Variants in SMIM3 observed in about 807,000 individuals in gnomAD.
SMIM3 encodes the protein NGF-induced differentiation clone 67 protein.
Under a neutral mutation model 2.1 loss-of-function variants are expected in SMIM3, and 4 were observed. The ratio of observed to expected loss-of-function variants is 1.89; its 90% CI spans 0.93 to 4.31. The LOEUF is 4.31. SMIM3 is among the 30% of genes most tolerant of loss of function. The pLI is 0.01. For synonymous variants in SMIM3, 29 were observed against 30.8 expected, an observed-to-expected ratio of 0.94 and a Z score of 0.19; for missense variants, 79 against 77.7, an observed-to-expected ratio of 1.02 and a Z score of -0.06.
chr5:150,786,127 T>C (rs188744759), intron 1 of SMIM3, among the ~76,000 whole-genome samples: 38 of 152,332 alleles, frequency 2.5e-4, no homozygotes, highest in Admixed American at 2.1e-3. Context: ...TTCCATCCTT[T>C]TGTTTATCCT....
At chr5:150,791,188 T>C (rs1253697802) in intron 1 of SMIM3, among the ~76,000 whole-genome samples, 1 of 152,200 alleles carries the variant, frequency 6.6e-6, no homozygotes, top group Non-Finnish European at 1.5e-5. Context: ...TCCTCGCCTA[T>C]TTCCCTACTT....
chr5:150,785,786 T>C (rs1261068504), intron 1 of SMIM3, among the ~76,000 whole-genome samples: 1 of 152,038 alleles, frequency 6.6e-6, no homozygotes, highest in African/African-American at 2.4e-5. Flanking sequence ...TTTCACCATG[T>C]TGGCCAGGCT....
intron 1 of SMIM3, among the ~76,000 whole-genome samples, chr5:150,784,821 C>A (rs1056009871): frequency 6.6e-5 from 10 of 152,070 alleles, no homozygotes; most frequent in Non-Finnish European, 1.0e-4. Context: ...TATTTGTCCC[C>A]TTTATTCTAA....
In SMIM3 at chr5:150,783,914, C is replaced by CTT. The variant is rs557905770; in HGVS notation, c.-12+4964_-12+4965dup. Among the ~76,000 whole-genome samples the CTT allele has an allele frequency of 7.2e-3, 889 of 124,286 alleles. 28 individuals carry two copies. The highest frequency in any genetic ancestry group is 0.024 in the African/African-American group (720 of 29,778). 81.5% of individuals were successfully genotyped at this position (124,286 alleles called of 152,430 possible). On this transcript the variant is annotated intron_variant, in intron 1 of 1. Transcript: ENST00000526627. The stretch of plus-strand genomic sequence containing the variant: ...ACTAATGGCAGAGGCTTTGAACTCC[C>CTT]TTTTTTTTTTTTTTTTTTTTTTTGA...
At chr5:150,795,128 C>A (rs187569061) in intron 1 of SMIM3, among the ~76,000 whole-genome samples, 1 of 152,228 alleles carries the variant, frequency 6.6e-6, no homozygotes, top group East Asian at 1.9e-4. Context: ...GAGTCCTCAT[C>A]TGTAAAATGG....
At chr5:150,782,446 C>G (rs1041520046) in intron 1 of SMIM3, among the ~76,000 whole-genome samples, 1 of 152,168 alleles carries the variant, frequency 6.6e-6, no homozygotes, top group Non-Finnish European at 1.5e-5. Context: ...CTGCTCCCCT[C>G]ACCCCTGGTC....
rs765180034 is a variant in SMIM3, at chr5:150,789,459, G to A, written c.-11-5971G>A. On this transcript the variant is annotated intron_variant, in intron 1 of 1. Transcript: ENST00000526627. Reference sequence around the variant, plus strand: ...AGGACACGTTTGAGTTTCGAGAAGAGTGAAACAGGGAGATAGAGCTCCCTG... The same window carrying A: ...AGGACACGTTTGAGTTTCGAGAAGAATGAAACAGGGAGATAGAGCTCCCTG... Among the ~76,000 whole-genome samples, 20 of 152,334 alleles carry A rather than the reference G, an allele frequency of 1.3e-4. 1 individual carries two copies. In the Middle Eastern group the frequency reaches 0.014, roughly 104 times the overall value.
chr5:150,792,350 C>A (rs373560816), intron 1 of SMIM3, among the ~76,000 whole-genome samples: 34 of 152,278 alleles, frequency 2.2e-4, no homozygotes, highest in African/African-American at 7.7e-4. Flanking sequence ...ACTGAAGTGT[C>A]CTGGGAGCCC....
At chr5:150,794,569 G>A (rs1278740409) in intron 1 of SMIM3, among the ~76,000 whole-genome samples, 1 of 152,200 alleles carries the variant, frequency 6.6e-6, no homozygotes, top group East Asian at 1.9e-4. Context: ...ACTCAGGAAT[G>A]GAACACCAAA....
chr5:150,793,830 T>C (rs1279009663), intron 1 of SMIM3, among the ~76,000 whole-genome samples: 1 of 152,148 alleles, frequency 6.6e-6, no homozygotes, highest in African/African-American at 2.4e-5. Context: ...TGGAACCTAA[T>C]TAAACTAAAG....
At chr5:150,785,939 T>G (rs1359638251) in intron 1 of SMIM3, among the ~76,000 whole-genome samples, 2 of 152,216 alleles carry the variant, frequency 1.3e-5, no homozygotes, top group Admixed American at 6.5e-5. Flanking sequence ...TAGGAGTTCA[T>G]GGGACATCTT....
intron 1 of SMIM3, among the ~76,000 whole-genome samples, chr5:150,793,069 C>A (rs148137870): frequency 3.3e-5 from 5 of 151,328 alleles, no homozygotes; most frequent in Admixed American, 6.6e-5. Context: ...AGTTGTTAGG[C>A]CATAAATACA....
intron 1 of SMIM3, among the ~76,000 whole-genome samples, chr5:150,785,798 G>A (rs62380613): frequency 0.013 from 1,901 of 151,970 alleles, 13 homozygotes; most frequent in Non-Finnish European, 0.018. Context: ...GGCCAGGCTG[G>A]TCTCAAACTC....
chr5:150,794,214 C>T (rs1753378700), intron 1 of SMIM3, among the ~76,000 whole-genome samples: 1 of 152,188 alleles, frequency 6.6e-6, no homozygotes, highest in African/African-American at 2.4e-5. Flanking sequence ...AACACTTCTA[C>T]ACTGCTGGTG....
intron 1 of SMIM3, among the ~76,000 whole-genome samples, chr5:150,791,767 C>T (rs1346728532): frequency 6.6e-6 from 1 of 152,028 alleles, no homozygotes; most frequent in Non-Finnish European, 1.5e-5. Flanking sequence ...TGGTTATATG[C>T]CCAGAAGTGA....
At chr5:150,794,481 G>A (rs948852764) in intron 1 of SMIM3, among the ~76,000 whole-genome samples, 2 of 152,180 alleles carry the variant, frequency 1.3e-5, no homozygotes, top group East Asian at 1.9e-4. Context: ...GGAATACTAC[G>A]TAGCCATAAA....
chr5:150,783,401 A>G (rs1753256822), intron 1 of SMIM3, among the ~76,000 whole-genome samples: 1 of 152,218 alleles, frequency 6.6e-6, no homozygotes, highest in African/African-American at 2.4e-5. Context: ...TGCCCTGGGA[A>G]CCATCAGCCT....
At chr5:150,794,477 C>T (rs1168911101) in intron 1 of SMIM3, among the ~76,000 whole-genome samples, 3 of 152,170 alleles carry the variant, frequency 2.0e-5, no homozygotes, top group Non-Finnish European at 4.4e-5. Flanking sequence ...TGATGGAATA[C>T]TACGTAGCCA....
Position 150,795,392 on chromosome 5 carries a change from A to G in SMIM3, c.-11-38A>G, listed in dbSNP as rs532072932. 5.6e-6 allele frequency: 9 copies of G among 1,604,986 alleles called. No individual in the cohort carries two copies. The South Asian group carries it at 8.8e-5, about 16-fold the overall frequency. ...CTTCTAACCAGGGAGGCAGGGAGAGAGTACGCAACAGTGATCTTCCTTTCT... is the reference window on the plus strand; with the variant it reads ...CTTCTAACCAGGGAGGCAGGGAGAGGGTACGCAACAGTGATCTTCCTTTCT... On this transcript the variant is annotated intron_variant, in intron 1 of 1. Coordinates refer to ENST00000526627, the MANE Select transcript of SMIM3 (RefSeq NM_032947.5).
Sources: allele counts gnomAD v4.1 joint callset (sites outside exome capture counted in the v4.1 genomes callset), GRCh38; gene constraint gnomAD v4.1.1; transcripts MANE v1.5; gene names NCBI Gene and HGNC (gene_info 2026-07-23, HGNC 2026-07-21).